DVL1: variants seen among roughly 807,000 people sequenced by gnomAD.
The protein encoded by DVL1 is dishevelled segment polarity protein 1.
A neutral mutation model predicts 65.0 loss-of-function variants in DVL1; 49 were observed. The observed-to-expected ratio is 0.75, with a 90% CI of 0.60 to 0.96. DVL1 has a LOEUF of 0.96. DVL1 is among the 40% of genes least tolerant of loss of function. The pLI, the probability that DVL1 is intolerant of heterozygous loss-of-function variation, is 0.00. For synonymous variants in DVL1, 608 were observed against 433.9 expected (o/e 1.40, Z -4.99); for missense variants, 1,197 against 1,045.4 (o/e 1.15, Z -2.00).
At chr1:1,342,221 C>A in intron 3 of DVL1, 65 bp from the exon 4 acceptor site, 2 of 1,509,018 alleles carry the variant, frequency 1.3e-6, no homozygotes, top group South Asian at 2.4e-5. Flanking sequence ...CCGCCCAGCC[C>A]AGCCTCCCCT....
rs1160297819 is a variant in DVL1 at position 1,339,432 on chromosome 1, C to G, written c.1062G>C (p.Pro354=). 3.8e-6 allele frequency: 5 copies of G among 1,326,832 alleles called. No individual in the cohort carries two copies. The highest frequency in any genetic ancestry group is 4.9e-5 in the East Asian group (1 of 20,426). 82.2% of individuals were successfully genotyped at this position (1,326,832 alleles called of 1,614,324 possible). ...RSYFTVPRAD[P]VRPIDPAAWL... is the part of the protein sequence containing the mutation. ...AGGCGGCGGGGTCGATGGGCCGCAC[C>G]GGGTCAGCTGGGTGGCCGCCACGTG... Residue 354 remains proline, a synonymous_variant, in exon 11 of 15, where the codon CCG becomes CCC. Transcript: ENST00000378888.
rs1643567144 is a variant in DVL1 at position 1,336,250 on chromosome 1, T to TC, written c.1979dup (p.Pro661ThrfsTer46). ...CGGCAGCCAGCTCCCGGACAGGGGG[T>TC]CCCCCGGGTGGCCCCCCCACCACTG... On this transcript the variant is annotated frameshift_variant, in exon 15 of 15. Transcript: ENST00000378888. LOFTEE classifies it high-confidence loss of function. 6.4e-7 allele frequency: 1 copy of TC among 1,557,090 alleles called. No homozygotes were observed. Among genetic ancestry groups the TC allele is most frequent in the Non-Finnish European group, 8.6e-7 (1 of 1,157,500 alleles).
rs1569684211 is a variant in DVL1 at position 1,338,115 on chromosome 1, G to A, written c.1576C>T (p.Pro526Ser). The stretch of plus-strand genomic sequence containing the variant: ...AGAGGCCAGGGGGCAGCCGGGTGGG[G>A]CAGCGGGGCCAGCGTGTCCTGATCC... ...TSDQDTLAPLPHPAAPWPLGQ... is the reference protein window; with the variant it reads ...TSDQDTLAPLSHPAAPWPLGQ... Residue 526 changes from proline to serine, a missense_variant, in exon 14 of 15, where the codon CCC (proline) becomes TCC (serine). Pro to Ser is a moderately conservative substitution (Grantham distance 74, BLOSUM62 -1). Coordinates refer to ENST00000378888, the MANE Select transcript of DVL1 (RefSeq NM_001330311.2). The A allele has an allele frequency of 6.2e-7, 1 of 1,609,778 alleles. No homozygotes were observed. The highest frequency in any genetic ancestry group is 8.5e-7 in the Non-Finnish European group (1 of 1,178,742).
Position 1,340,390 on chromosome 1 carries a change from T to G in DVL1, c.699+20A>C. 1.9e-6 allele frequency: 3 copies of G among 1,612,424 alleles called. No homozygotes were observed. Among genetic ancestry groups the G allele is most frequent in the Non-Finnish European group, 2.5e-6 (3 of 1,179,530 alleles). On this transcript the variant is annotated intron_variant, in intron 6 of 14. Coordinates refer to ENST00000378888, the MANE Select transcript of DVL1 (RefSeq NM_001330311.2). ...TGACTTCGCCTCCCCAGCCCCGCCC[T>G]GCTCCACCCGGCTGCCTACCCGGTC...
intron 5 of DVL1, among the ~76,000 whole-genome samples, chr1:1,341,370 C>T (rs1031938753): frequency 5.3e-5 from 8 of 152,298 alleles, no homozygotes; most frequent in South Asian, 2.1e-4. Context: ...CAGACACATC[C>T]GCAATGTGAA....
intron 1 of DVL1, among the ~76,000 whole-genome samples, chr1:1,344,778 G>A (rs550938827): frequency 2.6e-5 from 4 of 152,162 alleles, no homozygotes; most frequent in South Asian, 4.1e-4. Flanking sequence ...CACGGACACC[G>A]AGGCCACCAC....
intron 1 of DVL1, among the ~76,000 whole-genome samples, chr1:1,344,520 G>C (rs1266763581): frequency 6.6e-6 from 1 of 152,142 alleles, no homozygotes; most frequent in Non-Finnish European, 1.5e-5. Context: ...GGCCAGCCCA[G>C]GTGGGAGCAG....
chr1:1,336,086 A>G lies in DVL1; in HGVS notation c.*56T>C, dbSNP rs1643559927. On this transcript the variant is annotated 3_prime_UTR_variant, in exon 15 of 15. Transcript: ENST00000378888. ...GAAGGCAAGCCCACGCGAGCTCTGC[A>G]TGCGGCAGGACCGCCAGCTCCCCAC... The G allele has an allele frequency of 6.5e-7, 1 of 1,543,490 alleles. No individual in the cohort carries two copies. The highest frequency in any genetic ancestry group is 8.7e-7 in the Non-Finnish European group (1 of 1,150,618).
intron 1 of DVL1, among the ~76,000 whole-genome samples, chr1:1,345,918 C>A (rs1253681925): frequency 6.6e-6 from 1 of 152,178 alleles, no homozygotes; most frequent in Non-Finnish European, 1.5e-5. Context: ...GAGCCAGGGG[C>A]TCTCCACCAG....
rs1557670212 is a variant in DVL1, at chr1:1,341,799, CG to C, written c.472del (p.Arg158GlyfsTer83). On this transcript the variant is annotated frameshift_variant, in exon 5 of 15. Transcript: ENST00000378888. LOFTEE classifies it high-confidence loss of function. ...ARRRNREEAA[R>X]TNGHPRGDRR... is the part of the protein sequence containing the mutation. The stretch of plus-strand genomic sequence containing the variant: ...GTCTCCCCTTGGGTGCCCATTGGTC[CG>C]GGCGGCTGTGGGGGCAGCAGGTTGG... 2.5e-6 allele frequency: 4 copies of C among 1,582,374 alleles called. No individual in the cohort carries two copies. Among genetic ancestry groups the C allele is most frequent in the Non-Finnish European group, 3.4e-6 (4 of 1,160,212 alleles).
At chr1:1,344,358 A>AC (rs1643888143) in intron 1 of DVL1, among the ~76,000 whole-genome samples, 1 of 152,076 alleles carries the variant, frequency 6.6e-6, no homozygotes, top group African/African-American at 2.4e-5. Context: ...AGGTCCCCTG[A>AC]CCCCGGGGCA....
chr1:1,338,229 T>TGCCCCCC, intron 13 of DVL1, 40 bp downstream of exon 13: 16 of 1,522,336 alleles, frequency 1.1e-5, no homozygotes, highest in Non-Finnish European at 1.4e-5. Context: ...CCTCCGGCGT[T>TGCCCCCC]CCCCTCCCCC....
rs1643704869 is a variant in DVL1 at position 1,339,379 on chromosome 1, C to T, written c.1115G>A (p.Gly372Glu). Residue 372 changes from glycine (G) to glutamate (E), a missense_variant, in exon 11 of 15, where the codon GGA (glycine) becomes GAA (glutamate). By Grantham distance (98) the Gly-to-Glu change is moderately conservative. Transcript: ENST00000378888. ...ACTCGTACCGTAGCGGGGCAGGGCT[C>T]CTGTCAGTGCCGCCGTGTGGGACAG... is the stretch of plus-strand genomic sequence containing the variant. ...AWLSHTAALT[G>E]ALPRYGTSPC... The T allele has an allele frequency of 1.3e-6, 2 of 1,548,976 alleles. No homozygotes were observed. The highest frequency in any genetic ancestry group is 1.2e-5 in the South Asian group (1 of 83,998).
At chr1:1,346,994 G>A (rs1218186608) in intron 1 of DVL1, among the ~76,000 whole-genome samples, 1 of 152,160 alleles carries the variant, frequency 6.6e-6, no homozygotes, top group Non-Finnish European at 1.5e-5. Flanking sequence ...GAGGTCTGCG[G>A]GTAGAACTCA....
intron 1 of DVL1, among the ~76,000 whole-genome samples, chr1:1,345,542 CA>C (rs1405828489): frequency 2.0e-5 from 3 of 152,206 alleles, no homozygotes; most frequent in Non-Finnish European, 4.4e-5. Context: ...CGGCAGCTGC[CA>C]GGGGCGCCCC....
At chr1:1,342,527 C>T in intron 2 of DVL1, 43 bp from the exon 3 acceptor site, 1 of 1,595,938 alleles carries the variant, frequency 6.3e-7, no homozygotes. Context: ...CACCCGCCTT[C>T]AGGACGCCTC....
In DVL1 at chr1:1,335,402, A is replaced by C. The variant is rs1282592571; in HGVS notation, c.*740T>G. 1 of 152,402 alleles carries C rather than the reference A, an allele frequency of 6.6e-6. No individual in the cohort carries two copies. Among genetic ancestry groups the C allele is most frequent in the African/African-American group, 2.4e-5 (1 of 41,470 alleles). The allele number at this position is 152,402 out of a possible 1,614,324, so 9.4% of individuals were successfully genotyped here. The stretch of plus-strand genomic sequence containing the variant: ...TCTACAGCACAGACACGTGGGGGCC[A>C]GAGAAGCCAGGAAGGCCGCGATGTG... On this transcript the variant is annotated 3_prime_UTR_variant, in exon 15 of 15. Transcript: ENST00000378888.
rs1557670584 is a variant in DVL1, at chr1:1,342,098, C to T, written c.421G>A (p.Val141Ile). The T allele has an allele frequency of 1.2e-5, 19 of 1,595,630 alleles. No individual in the cohort carries two copies. Among genetic ancestry groups the T allele is most frequent in the Middle Eastern group, 1.6e-4 (1 of 6,064 alleles). ...MDNETGTESM[V>I]SHRRERARRR... ...CGGGCACGCTCCCGCCGGTGACTGA[C>T]CATGGACTCCGTGCCTGTCTCGTTG... Residue 141 changes from valine to isoleucine, a missense_variant, in exon 4 of 15, where the codon GTC (valine) becomes ATC (isoleucine). Physicochemically the swap from Val to Ile is conservative, Grantham distance 29 (BLOSUM62 3). Coordinates refer to ENST00000378888, the MANE Select transcript of DVL1 (RefSeq NM_001330311.2).
At chr1:1,342,011 G>A (rs759454933) in intron 4 of DVL1, 42 bp downstream of exon 4, 4 of 1,511,538 alleles carry the variant, frequency 2.6e-6, no homozygotes, top group Non-Finnish European at 3.6e-6. Flanking sequence ...GGGGTCCCAG[G>A]GAGGCTGGGG....
Sources: gnomAD v4.1 joint callset for allele counts (sites outside exome capture counted in the v4.1 genomes callset) on GRCh38, gnomAD v4.1.1 for gene constraint, MANE v1.5 for transcripts, NCBI Gene and HGNC (gene_info 2026-07-23, HGNC 2026-07-21) for gene names.